Variants in ZC3H18 observed in about 807,000 individuals in gnomAD.
The protein encoded by ZC3H18 is zinc finger CCCH-type containing 18.
ZC3H18 carries 8 observed loss-of-function variants against 106.1 expected under a neutral mutation model. The ratio of observed to expected loss-of-function variants is 0.08; its 90% CI spans 0.04 to 0.14. The LOEUF (loss-of-function observed/expected upper bound fraction) is 0.14, where lower values mean the gene tolerates loss of function less well. Among genes scored for constraint, ZC3H18 ranks in the 10% least tolerant of loss-of-function variants. ZC3H18 has a pLI of 1.00. For synonymous variants in ZC3H18, 635 were observed against 522.1 expected (o/e 1.22, Z -2.95); for missense variants, 1,318 against 1,278.4 (o/e 1.03, Z -0.47).
chr16:88,577,479 T>C lies in ZC3H18; in HGVS notation c.356T>C (p.Val119Ala). 6.2e-7 allele frequency: 1 copy of C among 1,612,584 alleles called. No individual in the cohort carries two copies. The highest frequency in any genetic ancestry group is 8.5e-7 in the Non-Finnish European group (1 of 1,179,668). Residue 119 changes from valine (V) to alanine (A), a missense_variant, in exon 2 of 18, where the codon GTC becomes GCC. Physicochemically the swap from Val to Ala is moderately conservative, Grantham distance 64. This residue lies in a region of ZC3H18 where 346 missense variants were observed against 269.0 expected (regional missense o/e 1.29). Transcript: ENST00000301011. ...GACCTTAGGGATGAGGCCTCCTCAG[T>C]CACCAGGGAGCTGGATGAGCATGAG... Reference protein sequence around the residue: ...TSDLRDEASSVTRELDEHELD... With the variant: ...TSDLRDEASSATRELDEHELD...
intron 3 of ZC3H18, among the ~76,000 whole-genome samples, chr16:88,588,772 TGG>T (rs1567581617): frequency 6.6e-6 from 1 of 150,956 alleles, no homozygotes; most frequent in Non-Finnish European, 1.5e-5. Context: ...CCCAGCTACG[TGG>T]GGGGTGGGGG....
rs1237820654 is a variant in ZC3H18 at position 88,628,816 on chromosome 16, C to T, written c.2528C>T (p.Pro843Leu). The change falls in exon 16 of 18, where the codon CCT (proline) becomes CTT (leucine). Residue 843 changes from proline (P) to leucine (L), a missense_variant. Pro to Leu is a moderately conservative substitution (Grantham distance 98, BLOSUM62 -3). This residue lies in a region of ZC3H18 where 848 missense variants were observed against 821.7 expected (regional missense o/e 1.03). Transcript: ENST00000301011. ...CCATCAGACAAGGACAGGCAGAGCC[C>T]TCCTCCAGCCAAGCGGCCCAACACA... ...YEPSDKDRQS[P>L]PPAKRPNTSP... 3 of 1,614,096 alleles carry T rather than the reference C, an allele frequency of 1.9e-6. No individual in the cohort carries two copies. Among genetic ancestry groups the T allele is most frequent in the Non-Finnish European group, 8.5e-7 (1 of 1,179,962 alleles).
intron 5 of ZC3H18, 49 bp downstream of exon 5, chr16:88,598,761 A>G: frequency 3.2e-6 from 5 of 1,548,956 alleles, no homozygotes; most frequent in Non-Finnish European, 4.4e-6. Context: ...CTATTACAGG[A>G]GTGGTTCTTG....
At chr16:88,583,723 CTGTG>C (rs1915273402) in intron 2 of ZC3H18, among the ~76,000 whole-genome samples, 1 of 152,212 alleles carries the variant, frequency 6.6e-6, no homozygotes, top group South Asian at 2.1e-4. Context: ...GCACTGAGGC[CTGTG>C]TGTCTCCTCA....
intron 1 of ZC3H18, among the ~76,000 whole-genome samples, chr16:88,574,156 T>G (rs1345312852): frequency 6.6e-6 from 1 of 151,814 alleles, no homozygotes; most frequent in Non-Finnish European, 1.5e-5. Flanking sequence ...ATTACAGGCG[T>G]GAGCCACCAC....
At chr16:88,591,746 A>G (rs1030158970) in intron 3 of ZC3H18, among the ~76,000 whole-genome samples, 23 of 152,242 alleles carry the variant, frequency 1.5e-4, no homozygotes, top group Admixed American at 9.2e-4. Context: ...GCTCTTTCGC[A>G]TGTGCCTGGC....
At chr16:88,577,817 G>A in intron 2 of ZC3H18, 91 bp downstream of exon 2, 1 of 1,593,462 alleles carries the variant, frequency 6.3e-7, no homozygotes, top group Non-Finnish European at 8.5e-7. Flanking sequence ...GTGTGGGACT[G>A]ACTTAGTGAT....
At chr16:88,586,971 A>G (rs987043453) in intron 3 of ZC3H18, among the ~76,000 whole-genome samples, 5 of 152,232 alleles carry the variant, frequency 3.3e-5, no homozygotes, top group African/African-American at 7.2e-5. Context: ...CAGCAGACCC[A>G]TAACTATAAT....
chr16:88,602,479 G>A (rs932342766), intron 6 of ZC3H18, among the ~76,000 whole-genome samples: 4 of 152,224 alleles, frequency 2.6e-5, no homozygotes, highest in African/African-American at 9.6e-5. Flanking sequence ...CCAGCAGCAT[G>A]TGAGAGGTCA....
At chr16:88,603,693 G>A (rs1238930066) in intron 6 of ZC3H18, among the ~76,000 whole-genome samples, 1 of 150,560 alleles carries the variant, frequency 6.6e-6, no homozygotes, top group African/African-American at 2.4e-5. Flanking sequence ...CGCAATCTGG[G>A]CTCACTGCAA....
In ZC3H18 at chr16:88,631,206, C is replaced by G; in HGVS notation, c.2769C>G (p.Ser923Arg). 6.2e-7 allele frequency: 1 copy of G among 1,613,866 alleles called. No individual in the cohort carries two copies. The highest frequency in any genetic ancestry group is 8.5e-7 in the Non-Finnish European group (1 of 1,180,028). Residue 923 changes from serine (S) to arginine (R), a missense_variant, in exon 18 of 18, where the codon AGC (serine) becomes AGG (arginine). Ser to Arg is a moderately radical substitution (Grantham distance 110). Transcript: ENST00000301011. ...CCAGCACCAAATCAGGGAAGGCCAGCACGCTGTCTCGGCGGGAGGAGCTGC... is the reference window on the plus strand; with the variant it reads ...CCAGCACCAAATCAGGGAAGGCCAGGACGCTGTCTCGGCGGGAGGAGCTGC... ...GAASTKSGKA[S>R]TLSRREELLK...
At chr16:88,603,025 T>C (rs1007988203) in intron 6 of ZC3H18, among the ~76,000 whole-genome samples, 8 of 151,710 alleles carry the variant, frequency 5.3e-5, no homozygotes, top group Non-Finnish European at 7.4e-5. Flanking sequence ...AGTGTAGTGG[T>C]GCCATCTTGG....
intron 1 of ZC3H18, chr16:88,571,738 C>G (rs1284454025): frequency 2.1e-5 from 20 of 950,296 alleles, no homozygotes; most frequent in Non-Finnish European, 2.5e-5. Context: ...TACAGAGCAT[C>G]TCAAGGTGAG....
rs144418238 is a variant in ZC3H18, at chr16:88,610,395, G to A, written c.1207-873G>A. Reference sequence around the variant, plus strand: ...TCGTGCCAGAAAAGTCCCCCTGCTCGATGCTCTTGTGCCCCGTCTCTCCAT... The same window carrying A: ...TCGTGCCAGAAAAGTCCCCCTGCTCAATGCTCTTGTGCCCCGTCTCTCCAT... On this transcript the variant is annotated intron_variant, in intron 7 of 17. Coordinates refer to ENST00000301011, the MANE Select transcript of ZC3H18 (RefSeq NM_144604.4). Among the ~76,000 whole-genome samples the A allele has an allele frequency of 3.9e-5, 6 of 152,294 alleles. No individual in the cohort carries two copies. In the East Asian group the frequency reaches 5.8e-4, roughly 15 times the overall value.
At chr16:88,571,199 A>T (rs1159933512) in intron 1 of ZC3H18, among the ~76,000 whole-genome samples, 1 of 152,228 alleles carries the variant, frequency 6.6e-6, no homozygotes, top group Non-Finnish European at 1.5e-5. Flanking sequence ...ACTCCTGCCA[A>T]ACATTTTTCC....
At chr16:88,611,816 G>A (rs1334175666) in intron 8 of ZC3H18, among the ~76,000 whole-genome samples, 1 of 152,238 alleles carries the variant, frequency 6.6e-6, no homozygotes. Context: ...CAGTCCACGT[G>A]CAAACATCGG....
At chr16:88,615,470 C>T (rs993681632) in intron 8 of ZC3H18, among the ~76,000 whole-genome samples, 1 of 152,214 alleles carries the variant, frequency 6.6e-6, no homozygotes, top group African/African-American at 2.4e-5. Flanking sequence ...GGTGCTTACC[C>T]ACATTTGGGG....
At chr16:88,596,643 C>A (rs1904454197) in intron 3 of ZC3H18, among the ~76,000 whole-genome samples, 1 of 151,736 alleles carries the variant, frequency 6.6e-6, no homozygotes, top group East Asian at 1.9e-4. Context: ...CAGAGTGAGA[C>A]TCCATCTGAA....
chr16:88,614,441 G>T (rs753217623), intron 8 of ZC3H18, among the ~76,000 whole-genome samples: 2 of 152,238 alleles, frequency 1.3e-5, no homozygotes, highest in East Asian at 1.9e-4. Context: ...CTGAAAGTCA[G>T]CTCTCAGGCA....
Sources: gnomAD v4.1 joint callset for allele counts (sites outside exome capture counted in the v4.1 genomes callset) on GRCh38, gnomAD v4.1.1 for gene constraint, gnomAD v4.1.1 regional missense constraint, MANE v1.5 for transcripts, NCBI Gene and HGNC (gene_info 2026-07-23, HGNC 2026-07-21) for gene names.